The following ACO1 variants were observed in gnomAD, a reference collection of about 807,000 sequenced individuals.
ACO1 encodes aconitase 1, also known as cytoplasmic aconitate hydratase.
ACO1 carries 78 observed loss-of-function variants against 105.1 expected under a neutral mutation model. The ratio of observed to expected loss-of-function variants is 0.74; its 90% CI spans 0.62 to 0.90. The LOEUF (loss-of-function observed/expected upper bound fraction) is 0.90, where lower values mean the gene tolerates loss of function less well. ACO1 is among the 40% of genes least tolerant of loss of function. The pLI is 0.00. For synonymous variants in ACO1, 364 were observed against 397.4 expected, an observed-to-expected ratio of 0.92 and a Z score of 1.00; for missense variants, 965 against 1,111.1, an observed-to-expected ratio of 0.87 and a Z score of 1.87.
intron 1 of ACO1, among the ~76,000 whole-genome samples, chr9:32,393,076 G>A (rs1317477694): frequency 1.3e-5 from 2 of 152,158 alleles, no homozygotes; most frequent in African/African-American, 4.8e-5. Flanking sequence ...TGAACAATAT[G>A]AAATCTGGGC....
At chr9:32,422,164 A>T (rs1418740282) in intron 8 of ACO1, among the ~76,000 whole-genome samples, 2 of 152,182 alleles carry the variant, frequency 1.3e-5, no homozygotes, top group African/African-American at 4.8e-5. Context: ...ATCTAGAGGG[A>T]AGGTTAGTTG....
At chr9:32,392,885 AT>A (rs1480994100) in intron 1 of ACO1, among the ~76,000 whole-genome samples, 1 of 152,220 alleles carries the variant, frequency 6.6e-6, no homozygotes, top group African/African-American at 2.4e-5. Flanking sequence ...CTGAACATAA[AT>A]TGTGAAGATT....
At chr9:32,428,557 G>A (rs542103437) in intron 12 of ACO1, among the ~76,000 whole-genome samples, 1 of 151,926 alleles carries the variant, frequency 6.6e-6, no homozygotes, top group Non-Finnish European at 1.5e-5. Context: ...AAGTCAGCAT[G>A]GCTGGGCGCG....
intron 4 of ACO1, among the ~76,000 whole-genome samples, chr9:32,416,239 C>T (rs945027312): frequency 4.6e-5 from 7 of 151,770 alleles, no homozygotes; most frequent in East Asian, 1.9e-4. Context: ...GGATTACAGG[C>T]GCCTGCCACC....
chr9:32,424,108 A>G (rs1053473396), intron 9 of ACO1, among the ~76,000 whole-genome samples: 2 of 152,196 alleles, frequency 1.3e-5, no homozygotes, highest in Non-Finnish European at 2.9e-5. Context: ...GTTCAGTTAG[A>G]CTAAGGCCCG....
intron 7 of ACO1, 43 bp downstream of exon 7, chr9:32,419,220 T>C (rs772668641): frequency 2.0e-6 from 3 of 1,503,556 alleles, no homozygotes; most frequent in Non-Finnish European, 2.7e-6. Flanking sequence ...AAAGCCACAA[T>C]GATAGCTTTC....
At chr9:32,449,420 C>T (rs1268768431) in intron 20 of ACO1, among the ~76,000 whole-genome samples, 2 of 152,138 alleles carry the variant, frequency 1.3e-5, no homozygotes, top group Non-Finnish European at 2.9e-5. Flanking sequence ...ACGTGAGCAA[C>T]AGATATACTC....
Position 32,440,558 on chromosome 9 carries a change from G to A in ACO1, c.2341G>A (p.Asp781Asn). The A allele has an allele frequency of 6.2e-7, 1 of 1,614,036 alleles. No individual in the cohort carries two copies. Among genetic ancestry groups the A allele is most frequent in the Non-Finnish European group, 8.5e-7 (1 of 1,179,974 alleles). ...GKEYGAGSSRDWAAKGPFLLG... is the reference protein window; with the variant it reads ...GKEYGAGSSRNWAAKGPFLLG... ...AGAGTACGGTGCAGGCAGCTCCCGA[G>A]ACTGGGCAGCTAAGGGCCCTTTCCT... Residue 781 changes from aspartate to asparagine, a missense_variant, in exon 19 of 21, where the codon GAC becomes AAC. Transcript: ENST00000309951.
chr9:32,436,079 G>A lies in ACO1; in HGVS notation c.2100-171G>A, dbSNP rs140542224. On this transcript the variant is annotated intron_variant, in intron 17 of 20. Transcript: ENST00000309951. ...CCCTTCTCACCTCTCTCTCTTCTCC[G>A]TTGAAGCTTTGGGGACAGCTTTTCT... 340 of 842,326 alleles carry A rather than the reference G, an allele frequency of 4.0e-4. 1 individual carries two copies. The highest frequency in any genetic ancestry group is 5.7e-4 in the Non-Finnish European group (291 of 511,978). The allele number at this position is 842,326 out of a possible 1,614,324, so 52.2% of individuals were successfully genotyped here.
intron 17 of ACO1, among the ~76,000 whole-genome samples, 177 bp downstream of exon 17, chr9:32,434,878 G>T (rs1457866208): frequency 6.6e-6 from 1 of 152,182 alleles, no homozygotes; most frequent in African/African-American, 2.4e-5. Flanking sequence ...CAGCTTCCAT[G>T]GGAGAAACGA....
At chr9:32,426,264 T>C (rs1822095767) in intron 11 of ACO1, among the ~76,000 whole-genome samples, 1 of 152,244 alleles carries the variant, frequency 6.6e-6, no homozygotes, top group South Asian at 2.1e-4. Context: ...GCTGGATTTC[T>C]GGGAAAGCCT....
At chr9:32,449,945 CAG>C in intron 20 of ACO1, 51 bp from the exon 21 acceptor site, 2 of 1,453,080 alleles carry the variant, frequency 1.4e-6, no homozygotes, top group Non-Finnish European at 1.9e-6. Context: ...TTCCTCCGAG[CAG>C]AGCTGTCTCG....
At chr9:32,391,693 C>T (rs971389123) in intron 1 of ACO1, among the ~76,000 whole-genome samples, 2 of 152,244 alleles carry the variant, frequency 1.3e-5, no homozygotes, top group Non-Finnish European at 2.9e-5. Flanking sequence ...CTTTCTATAA[C>T]TGCTATTGTG....
intron 2 of ACO1, 147 bp downstream of exon 2, chr9:32,405,750 T>A: frequency 1.6e-6 from 1 of 611,570 alleles, no homozygotes; most frequent in Admixed American, 3.4e-5. Flanking sequence ...CTCACATGCC[T>A]TTCCTACATT....
intron 16 of ACO1, among the ~76,000 whole-genome samples, chr9:32,434,240 G>A (rs1191968275): frequency 2.0e-5 from 3 of 152,178 alleles, no homozygotes; most frequent in African/African-American, 7.2e-5. Context: ...GTAGAAGTGA[G>A]GATTCCAGTT....
At chr9:32,404,982 T>C (rs776145603) in intron 1 of ACO1, among the ~76,000 whole-genome samples, 2 of 152,282 alleles carry the variant, frequency 1.3e-5, no homozygotes, top group Non-Finnish European at 2.9e-5. Context: ...TGTATTCCAG[T>C]AGCCTTTGCT....
chr9:32,390,889 A>G (rs915456168), intron 1 of ACO1, among the ~76,000 whole-genome samples: 3 of 152,220 alleles, frequency 2.0e-5, no homozygotes, highest in Non-Finnish European at 4.4e-5. Context: ...CTCTAATCAT[A>G]CAATGCATCC....
intron 1 of ACO1, among the ~76,000 whole-genome samples, chr9:32,402,201 T>C (rs1220521726): frequency 2.6e-5 from 4 of 152,160 alleles, no homozygotes; most frequent in African/African-American, 4.8e-5. Context: ...TTTTTTTTTC[T>C]TTTTTCTTCT....
intron 8 of ACO1, among the ~76,000 whole-genome samples, chr9:32,421,810 G>T (rs926672010): frequency 6.6e-6 from 1 of 152,166 alleles, no homozygotes; most frequent in Non-Finnish European, 1.5e-5. Context: ...GAAAGGGGAG[G>T]TGGCTGAAGT....
Sources: gnomAD v4.1 joint callset for allele counts (sites outside exome capture counted in the v4.1 genomes callset) on GRCh38, gnomAD v4.1.1 for gene constraint, MANE v1.5 for transcripts, NCBI Gene and HGNC (gene_info 2026-07-23, HGNC 2026-07-21) for gene names.